The following ANKRD23 variants were observed in gnomAD, a reference collection of about 807,000 sequenced individuals.
ANKRD23 encodes the protein ankyrin repeat domain-containing protein 23.
ANKRD23 carries 52 observed loss-of-function variants against 38.1 expected under a neutral mutation model. The ratio of observed to expected loss-of-function variants is 1.36; its 90% confidence interval spans 1.09 to 1.72. The LOEUF is 1.72. Ranked by LOEUF, ANKRD23 falls within the 40% of genes most tolerant of loss-of-function variation. The pLI, the probability that ANKRD23 is intolerant of heterozygous loss-of-function variation, is 0.00. For synonymous variants in ANKRD23, 167 were observed against 162.9 expected (o/e 1.03, Z -0.19); for missense variants, 416 against 400.2 (o/e 1.04, Z -0.34).
rs1405101507 is a variant in ANKRD23 at position 96,840,916 on chromosome 2, G to A, written c.301-4C>T. The stretch of plus-strand genomic sequence containing the variant: ...CCACCTGGGCCTGGGACTGCGGCTG[G>A]TTCAGTTGAAGACAAGACCAAATCA... On this transcript the variant is annotated splice_polypyrimidine_tract_variant and splice_region_variant and intron_variant, in intron 3 of 8. Transcript: ENST00000318357. 1.2e-6 allele frequency: 2 copies of A among 1,613,614 alleles called. No individual in the cohort carries two copies. Among genetic ancestry groups the A allele is most frequent in the African/African-American group, 2.7e-5 (2 of 74,910 alleles).
chr2:96,840,557 C>T, intron 4 of ANKRD23, 43 bp from the exon 5 acceptor site: 1 of 1,597,394 alleles, frequency 6.3e-7, no homozygotes, highest in South Asian at 1.1e-5. Flanking sequence ...AGTGCAGCCA[C>T]CCCTAGAGAC....
Position 96,838,520 on chromosome 2 carries a change from C to G in ANKRD23, c.*1029G>C. On this transcript the variant is annotated 3_prime_UTR_variant, in exon 9 of 9. Coordinates refer to ENST00000318357, the MANE Select transcript of ANKRD23 (RefSeq NM_144994.8). Reference sequence around the variant, plus strand: ...TCACCTTCCTCTGCTTCCCTGTGGGCTGGGTTCAGAGCTCCTCAGTGTCCT... The same window carrying G: ...TCACCTTCCTCTGCTTCCCTGTGGGGTGGGTTCAGAGCTCCTCAGTGTCCT... 1 of 985,914 alleles carries G rather than the reference C, an allele frequency of 1.0e-6. No individual in the cohort carries two copies. Among genetic ancestry groups the G allele is most frequent in the Non-Finnish European group, 1.2e-6 (1 of 830,220 alleles). 61.1% of individuals were successfully genotyped at this position (985,914 alleles called of 1,614,324 possible). A position where few individuals can be genotyped will look rare whatever the true frequency, so the allele number is the denominator to read the frequency against.
intron 3 of ANKRD23, 79 bp from the exon 4 acceptor site, chr2:96,840,991 CCACGGG>C: frequency 6.4e-7 from 1 of 1,557,850 alleles, no homozygotes; most frequent in Admixed American, 1.8e-5. Flanking sequence ...CCAGTCTGGC[CCACGGG>C]TCCCATGCAG....
chr2:96,841,606 A>G (rs1312250982), intron 3 of ANKRD23, among the ~76,000 whole-genome samples: 6 of 149,020 alleles, frequency 4.0e-5, no homozygotes, highest in African/African-American at 9.8e-5. Flanking sequence ...CTCAAAAAAA[A>G]AAAAAAAAAA....
intron 3 of ANKRD23, chr2:96,841,136 T>A: frequency 1.9e-6 from 1 of 517,578 alleles, no homozygotes; most frequent in Non-Finnish European, 3.4e-6. Context: ...CCAAGATTCG[T>A]ATGAAGTACT....
In ANKRD23 at chr2:96,840,428, G is replaced by A. The variant is rs762406291; in HGVS notation, c.513C>T (p.Asp171=). 1.1e-5 allele frequency: 18 copies of A among 1,613,888 alleles called. No individual in the cohort carries two copies. The East Asian group carries it at 2.9e-4, about 26-fold the overall frequency. ...NKLLVAGATV[D]ARDLLDRTPV... ...TCCCCATCCTCACCAAGTCTCGCGC[G>A]TCCACTGTGGCACCTGCCACCAGCA... The change falls in exon 5 of 9, where the codon GAC becomes GAT. Residue 171 remains aspartate (D), a synonymous_variant. Coordinates refer to ENST00000318357, the MANE Select transcript of ANKRD23 (RefSeq NM_144994.8).
At chr2:96,842,591 C>G in intron 1 of ANKRD23, 80 bp from the exon 2 acceptor site, 3 of 1,512,840 alleles carry the variant, frequency 2.0e-6, no homozygotes, top group Non-Finnish European at 1.8e-6. Context: ...TAGCAGGGAG[C>G]TGTCTTATAA....
At chr2:96,841,007 G>C in intron 3 of ANKRD23, 95 bp from the exon 4 acceptor site, 1 of 1,490,186 alleles carries the variant, frequency 6.7e-7, no homozygotes, top group Non-Finnish European at 9.1e-7. Flanking sequence ...GTCCCATGCA[G>C]CCCACCAAGG....
chr2:96,843,253 C>G (rs1461121499), intron 1 of ANKRD23, among the ~76,000 whole-genome samples: 4 of 152,142 alleles, frequency 2.6e-5, no homozygotes, highest in African/African-American at 4.8e-5. Context: ...CTCTAGCAAC[C>G]TAACACCTCC....
In ANKRD23 at chr2:96,839,057, G is replaced by A. The variant is rs2079726147; in HGVS notation, c.*492C>T. 4 of 986,722 alleles carry A rather than the reference G, an allele frequency of 4.1e-6. No homozygotes were observed. Among genetic ancestry groups the A allele is most frequent in the Non-Finnish European group, 4.8e-6 (4 of 830,890 alleles). The allele number at this position is 986,722 out of a possible 1,614,324, so 61.1% of individuals were successfully genotyped here. A position where few individuals can be genotyped will look rare whatever the true frequency, so the allele number is the denominator to read the frequency against. On this transcript the variant is annotated 3_prime_UTR_variant, in exon 9 of 9. Coordinates refer to ENST00000318357, the MANE Select transcript of ANKRD23 (RefSeq NM_144994.8). ...TGCAGACAGGCCCGGCCCCTGCATG[G>A]CCTGCCTTGGCTGCACCTTGTACAT... is the stretch of plus-strand genomic sequence containing the variant.
chr2:96,839,117 C>T lies in ANKRD23; in HGVS notation c.*432G>A. The T allele has an allele frequency of 2.0e-6, 2 of 994,538 alleles. No homozygotes were observed. The highest frequency in any genetic ancestry group is 2.4e-6 in the Non-Finnish European group (2 of 836,418). The allele number at this position is 994,538 out of a possible 1,614,324, so 61.6% of individuals were successfully genotyped here. On this transcript the variant is annotated 3_prime_UTR_variant, in exon 9 of 9. Coordinates refer to ENST00000318357, the MANE Select transcript of ANKRD23 (RefSeq NM_144994.8). ...CATCTGCCGGCCACGGGCTGAGTCC[C>T]CACACACACAGACTGGCCCTGGAGA...
intron 6 of ANKRD23, 31 bp from the exon 7 acceptor site, chr2:96,840,126 T>C: frequency 6.5e-7 from 1 of 1,549,692 alleles, no homozygotes; most frequent in Non-Finnish European, 8.7e-7. Flanking sequence ...GTGCTGGGTC[T>C]GGATTGGTGA....
intron 3 of ANKRD23, 53 bp from the exon 4 acceptor site, chr2:96,840,965 A>G (rs2079753881): frequency 1.9e-6 from 3 of 1,597,720 alleles, no homozygotes; most frequent in East Asian, 2.2e-5. Context: ...CAGGTGCCCA[A>G]GATGTCACAG....
chr2:96,841,070 G>A, intron 3 of ANKRD23, 158 bp from the exon 4 acceptor site: 1 of 836,656 alleles, frequency 1.2e-6, no homozygotes, highest in Non-Finnish European at 1.8e-6. Flanking sequence ...CACGCCAGGA[G>A]ATTGAATAGA....
intron 1 of ANKRD23, among the ~76,000 whole-genome samples, chr2:96,843,690 C>T (rs1314397559): frequency 6.6e-6 from 1 of 152,150 alleles, no homozygotes; most frequent in African/African-American, 2.4e-5. Flanking sequence ...GAAAGAACCG[C>T]ACGCTCAGCC....
In ANKRD23 at chr2:96,842,444, C is replaced by A. The variant is rs1037588324; in HGVS notation, c.95G>T (p.Trp32Leu). 4.3e-6 allele frequency: 7 copies of A among 1,614,114 alleles called. No individual in the cohort carries two copies. The highest frequency in any genetic ancestry group is 3.4e-6 in the Non-Finnish European group (4 of 1,180,040). The change falls in exon 2 of 9, where the codon TGG (tryptophan) becomes TTG (leucine). Residue 32 changes from tryptophan to leucine, a missense_variant. Coordinates refer to ENST00000318357, the MANE Select transcript of ANKRD23 (RefSeq NM_144994.8). The part of the protein sequence containing the change: ...FGHGVPDPGA[W>L]PSDWRRGPQE... ...GGGGCCCCTCCTCCAGTCACTAGGC[C>A]AGGCTCCAGGGTCAGGAACTCCATG...
intron 4 of ANKRD23, 63 bp from the exon 5 acceptor site, chr2:96,840,577 T>C (rs1480661723): frequency 1.3e-6 from 2 of 1,575,954 alleles, no homozygotes; most frequent in Admixed American, 3.4e-5. Context: ...CCCCACGCGG[T>C]CCCCTTCCCA....
chr2:96,841,188 G>C, intron 3 of ANKRD23: 1 of 382,000 alleles, frequency 2.6e-6, no homozygotes, highest in South Asian at 3.4e-5. Context: ...TGGAAACAGA[G>C]TCACTGAGGA....
In ANKRD23 at chr2:96,840,220, C is replaced by T. The variant is rs374283622; in HGVS notation, c.624+12G>A. The T allele has an allele frequency of 1.9e-6, 3 of 1,606,552 alleles. No homozygotes were observed. Among genetic ancestry groups the T allele is most frequent in the South Asian group, 2.2e-5 (2 of 89,828 alleles). The stretch of plus-strand genomic sequence containing the variant: ...TGTTCCCGACAGGCCCCCAAAGCAC[C>T]GTGCCCCTCACCTTGTCCCGGGCAT... On this transcript the variant is annotated intron_variant, in intron 6 of 8. Transcript: ENST00000318357.
Sources: gnomAD v4.1 joint callset for allele counts (sites outside exome capture counted in the v4.1 genomes callset) on GRCh38, gnomAD v4.1.1 for gene constraint, MANE v1.5 for transcripts, NCBI Gene and HGNC (gene_info 2026-07-23, HGNC 2026-07-21) for gene names.